SKAP1: variants seen among roughly 807,000 people sequenced by gnomAD.
The protein encoded by SKAP1 is src kinase-associated phosphoprotein 1.
Under a neutral mutation model 58.5 loss-of-function variants are expected in SKAP1, and 44 were observed. The observed-to-expected ratio is 0.75, with a 90% CI of 0.59 to 0.97. The LOEUF (loss-of-function observed/expected upper bound fraction) is 0.97, where lower values mean the gene tolerates loss of function less well. SKAP1 is among the 50% of genes least tolerant of loss of function. The pLI, the probability that SKAP1 is intolerant of heterozygous loss-of-function variation, is 0.00. For synonymous variants in SKAP1, 127 were observed against 149.7 expected, an observed-to-expected ratio of 0.85 and a Z score of 1.11; for missense variants, 390 against 435.2, an observed-to-expected ratio of 0.90 and a Z score of 0.92.
chr17:48,286,231 T>C (rs1022017273), intron 4 of SKAP1, among the ~76,000 whole-genome samples: 2 of 152,256 alleles, frequency 1.3e-5, no homozygotes, highest in African/African-American at 4.8e-5. Flanking sequence ...TGTTTCTGAA[T>C]GTGGGATTAT....
intron 4 of SKAP1, among the ~76,000 whole-genome samples, chr17:48,292,512 C>T (rs1483385310): frequency 1.3e-5 from 2 of 151,958 alleles, no homozygotes; most frequent in African/African-American, 4.8e-5. Context: ...TTTTAAGATA[C>T]CAAGAAAAAA....
intron 4 of SKAP1, among the ~76,000 whole-genome samples, chr17:48,220,753 T>C (rs1254797878): frequency 2.1e-5 from 3 of 145,302 alleles, no homozygotes; most frequent in Admixed American, 7.2e-5. Flanking sequence ...CTTGGGAGGC[T>C]GAGGCACAAG....
chr17:48,228,315 A>T (rs2065091522), intron 4 of SKAP1, among the ~76,000 whole-genome samples: 1 of 152,212 alleles, frequency 6.6e-6, no homozygotes, highest in African/African-American at 2.4e-5. Context: ...CTCACTAAAA[A>T]ACGCAATATA....
intron 4 of SKAP1, among the ~76,000 whole-genome samples, chr17:48,281,387 G>C (rs1226354618): frequency 6.6e-6 from 1 of 152,172 alleles, no homozygotes; most frequent in Non-Finnish European, 1.5e-5. Context: ...GAAGCTCTTT[G>C]TCATTGTCAT....
chr17:48,147,029 G>A (rs2063841192), intron 11 of SKAP1, among the ~76,000 whole-genome samples: 1 of 152,140 alleles, frequency 6.6e-6, no homozygotes, highest in African/African-American at 2.4e-5. Context: ...TCAGTTCCCT[G>A]GATAAAGCTC....
At chr17:48,196,277 T>A (rs2064628255) in intron 4 of SKAP1, among the ~76,000 whole-genome samples, 1 of 152,232 alleles carries the variant, frequency 6.6e-6, no homozygotes, top group Admixed American at 6.5e-5. Context: ...AGACCCTGTT[T>A]TTTGGAAGAA....
chr17:48,439,433 C>T, the SKAP1 span, among the ~76,000 whole-genome samples: 2 of 151,948 alleles, frequency 1.3e-5, no homozygotes, highest in Admixed American at 6.5e-5. Context: ...TTAAGGTGCC[C>T]GTGTTATCTA....
intron 9 of SKAP1, among the ~76,000 whole-genome samples, chr17:48,172,008 C>T (rs936168046): frequency 1.3e-5 from 2 of 151,866 alleles, no homozygotes; most frequent in Admixed American, 6.6e-5. Flanking sequence ...TGCAGTGAGC[C>T]GAGATTGTGC....
intron 4 of SKAP1, among the ~76,000 whole-genome samples, chr17:48,310,359 T>C (rs1217595712): frequency 1.3e-5 from 2 of 152,236 alleles, no homozygotes; most frequent in Non-Finnish European, 2.9e-5. Flanking sequence ...TGGTTTGTTG[T>C]CCTTCTGTAC....
chr17:48,375,768 A>C (rs1373389137), intron 2 of SKAP1, among the ~76,000 whole-genome samples: 1 of 152,128 alleles, frequency 6.6e-6, no homozygotes, highest in African/African-American at 2.4e-5. Context: ...TCTGTAAATA[A>C]AAAGGAGTCA....
intron 1 of SKAP1, among the ~76,000 whole-genome samples, chr17:48,410,097 G>T (rs991643346): frequency 6.6e-6 from 1 of 152,204 alleles, no homozygotes; most frequent in Non-Finnish European, 1.5e-5. Flanking sequence ...TTTGCCATGG[G>T]TGTATGGGTT....
chr17:48,425,047 C>T (rs1238219236), intron 1 of SKAP1, among the ~76,000 whole-genome samples: 1 of 152,070 alleles, frequency 6.6e-6, no homozygotes, highest in African/African-American at 2.4e-5. Flanking sequence ...ATCATGAGGT[C>T]AGGAGTTCGA....
intron 3 of SKAP1, among the ~76,000 whole-genome samples, chr17:48,350,105 C>G (rs577497532): frequency 4.9e-4 from 74 of 152,112 alleles, no homozygotes; most frequent in African/African-American, 1.6e-3. Flanking sequence ...ACAGCAAATC[C>G]GTTTAGTCCT....
At chr17:48,143,271 T>C (rs1318337438) in intron 11 of SKAP1, among the ~76,000 whole-genome samples, 1 of 148,140 alleles carries the variant, frequency 6.8e-6, no homozygotes, top group Non-Finnish European at 1.5e-5. Flanking sequence ...CTCGGCTCAC[T>C]GCAACCTCTG....
At chr17:48,146,632 C>T (rs1043631211) in intron 11 of SKAP1, among the ~76,000 whole-genome samples, 13 of 151,796 alleles carry the variant, frequency 8.6e-5, no homozygotes, top group Admixed American at 4.6e-4. Context: ...AAGGAATCAT[C>T]TCTTTTTTTT....
chr17:48,363,646 G>A (rs1316920488), intron 3 of SKAP1, 143 bp downstream of exon 3: 2 of 638,814 alleles, frequency 3.1e-6, no homozygotes, highest in Non-Finnish European at 5.4e-6. Context: ...GCAGCAGGGT[G>A]AAGGTTAATT....
chr17:48,197,525 C>T (rs1476697218), intron 4 of SKAP1, among the ~76,000 whole-genome samples: 1 of 151,836 alleles, frequency 6.6e-6, no homozygotes, highest in South Asian at 2.1e-4. Context: ...TCCGTCTCTA[C>T]CAAAAACAAA....
chr17:48,426,117 T>A (rs977422382), intron 1 of SKAP1, among the ~76,000 whole-genome samples: 2 of 152,176 alleles, frequency 1.3e-5, no homozygotes, highest in African/African-American at 4.8e-5. Context: ...TTCCCCACAG[T>A]TGGAATTTTA....
intron 4 of SKAP1, among the ~76,000 whole-genome samples, chr17:48,311,792 T>G (rs1383685488): frequency 6.6e-6 from 1 of 152,204 alleles, no homozygotes; most frequent in East Asian, 1.9e-4. Context: ...TACTTTTCTG[T>G]TAAAATTCGG....
Sources: allele counts gnomAD v4.1 joint callset (sites outside exome capture counted in the v4.1 genomes callset), GRCh38; gene constraint gnomAD v4.1.1; transcripts MANE v1.5; gene names NCBI Gene and HGNC (gene_info 2026-07-23, HGNC 2026-07-21).